PSD3: variants seen among roughly 807,000 people sequenced by gnomAD.
PSD3 encodes the protein PH and SEC7 domain-containing protein 3.
Under a neutral mutation model 105.5 loss-of-function variants are expected in PSD3, and 49 were observed. The ratio of observed to expected loss-of-function variants is 0.46; its 90% CI spans 0.37 to 0.59. The LOEUF (loss-of-function observed/expected upper bound fraction) is 0.59. Ranked by LOEUF, PSD3 falls within the 20% of genes least tolerant of loss-of-function variation. PSD3 has a pLI of 0.00. For synonymous variants in PSD3, 557 were observed against 457.8 expected, an observed-to-expected ratio of 1.22 and a Z score of -2.77; for missense variants, 1,561 against 1,263.8, an observed-to-expected ratio of 1.24 and a Z score of -3.57.
At chr8:18,934,194 G>T (rs1471887923) in intron 2 of PSD3, among the ~76,000 whole-genome samples, 1 of 152,098 alleles carries the variant, frequency 6.6e-6, no homozygotes, top group Non-Finnish European at 1.5e-5. Flanking sequence ...TCATACCTGG[G>T]TTTCTTCAGC....
intron 9 of PSD3, among the ~76,000 whole-genome samples, chr8:18,728,903 T>G (rs1803525505): frequency 6.6e-6 from 1 of 152,192 alleles, no homozygotes; most frequent in Non-Finnish European, 1.5e-5. Flanking sequence ...ACGCCTCACA[T>G]GTCAGTTCTG....
chr8:18,797,394 A>G (rs1482967856), intron 8 of PSD3, among the ~76,000 whole-genome samples: 2 of 152,144 alleles, frequency 1.3e-5, no homozygotes, highest in Non-Finnish European at 2.9e-5. Context: ...TAATATTAAA[A>G]TGTTAATTTA....
intron 8 of PSD3, among the ~76,000 whole-genome samples, chr8:18,790,362 G>A (rs1032391247): frequency 8.7e-5 from 13 of 149,778 alleles, no homozygotes; most frequent in Admixed American, 6.7e-5. Flanking sequence ...GAGTGCAGTG[G>A]AGTGATCTCG....
chr8:18,956,709 G>A (rs1823593676), intron 1 of PSD3, among the ~76,000 whole-genome samples: 1 of 152,022 alleles, frequency 6.6e-6, no homozygotes, highest in South Asian at 2.1e-4. Flanking sequence ...ACAACCTTGA[G>A]GCTATTTTAG....
intron 4 of PSD3, among the ~76,000 whole-genome samples, chr8:18,824,998 C>A (rs373339008): frequency 6.6e-6 from 1 of 152,146 alleles, no homozygotes; most frequent in South Asian, 2.1e-4. Flanking sequence ...AAAAAATACA[C>A]ACATACAATG....
At chr8:18,964,634 C>T (rs376569433) in intron 1 of PSD3, among the ~76,000 whole-genome samples, 2 of 152,066 alleles carry the variant, frequency 1.3e-5, no homozygotes, top group African/African-American at 4.8e-5. Context: ...ATGGAGAGGC[C>T]TTCCTTGATC....
chr8:18,964,831 AT>A (rs1824141001), intron 1 of PSD3, among the ~76,000 whole-genome samples: 1 of 152,140 alleles, frequency 6.6e-6, no homozygotes, highest in Non-Finnish European at 1.5e-5. Context: ...GGTGGCATAG[AT>A]TTGTTCACAG....
At chr8:18,942,209 A>C (rs1342669135) in intron 1 of PSD3, among the ~76,000 whole-genome samples, 1 of 152,204 alleles carries the variant, frequency 6.6e-6, no homozygotes, top group Non-Finnish European at 1.5e-5. Context: ...AGAATCTGAA[A>C]GCCTCCAAGT....
At chr8:18,683,806 T>C in intron 9 of PSD3, 1 of 765,326 alleles carries the variant, frequency 1.3e-6, no homozygotes, top group Non-Finnish European at 2.4e-6. Context: ...TCTGAGGAGT[T>C]GGAAATTTTC....
intron 1 of PSD3, among the ~76,000 whole-genome samples, chr8:19,006,121 C>G (rs559194080): frequency 6.6e-6 from 1 of 151,318 alleles, no homozygotes; most frequent in South Asian, 2.1e-4. Context: ...TGGTGAAACC[C>G]GTCTCTATTA....
chr8:18,791,090 G>C (rs1809678515), intron 8 of PSD3, among the ~76,000 whole-genome samples: 2 of 152,072 alleles, frequency 1.3e-5, no homozygotes, highest in South Asian at 4.2e-4. Context: ...CTAACAAATG[G>C]AAAAACATTC....
At position 18,533,427 on chromosome 8, in the gene PSD3, GA is replaced by G. The variant is rs1201742375; in HGVS notation, c.*2315del. ...ATCCAATGATCTATTAGCCTATCCA[GA>G]AGTCCCTGGAGTTAATATTAGTGAC... On this transcript the variant is annotated 3_prime_UTR_variant, in exon 16 of 16. Transcript: ENST00000327040. The G allele has an allele frequency of 1.3e-5, 2 of 152,196 alleles. No individual in the cohort carries two copies. The highest frequency in any genetic ancestry group is 2.4e-5 in the African/African-American group (1 of 41,464). The allele number at this position is 152,196 out of a possible 1,614,324, so 9.4% of individuals were successfully genotyped here.
At chr8:18,636,626 C>T (rs1807273117) in intron 10 of PSD3, among the ~76,000 whole-genome samples, 1 of 152,178 alleles carries the variant, frequency 6.6e-6, no homozygotes, top group African/African-American at 2.4e-5. Flanking sequence ...AAACTCCATT[C>T]ATGGTAAAGT....
chr8:18,862,854 T>C (rs1330345284), intron 4 of PSD3, among the ~76,000 whole-genome samples: 1 of 150,698 alleles, frequency 6.6e-6, no homozygotes, highest in Admixed American at 6.6e-5. Flanking sequence ...AAACACTGCA[T>C]TCCATTTGAG....
intron 9 of PSD3, among the ~76,000 whole-genome samples, chr8:18,702,921 T>C (rs1801675353): frequency 6.6e-6 from 1 of 152,098 alleles, no homozygotes; most frequent in African/African-American, 2.4e-5. Flanking sequence ...CAGCTATAGG[T>C]ACTCTTTATA....
intron 10 of PSD3, among the ~76,000 whole-genome samples, chr8:18,651,016 G>A (rs1274292386): frequency 6.6e-6 from 1 of 152,070 alleles, no homozygotes; most frequent in South Asian, 2.1e-4. Context: ...CATATATAAA[G>A]TAACAACAAT....
At chr8:18,589,929 T>C (rs1282076111) in intron 12 of PSD3, among the ~76,000 whole-genome samples, 2 of 152,174 alleles carry the variant, frequency 1.3e-5, no homozygotes, top group South Asian at 4.1e-4. Context: ...TACTTAAACA[T>C]CTGTATTCCC....
chr8:18,962,020 C>A (rs552037298), intron 1 of PSD3, among the ~76,000 whole-genome samples: 3 of 152,128 alleles, frequency 2.0e-5, no homozygotes, highest in African/African-American at 7.2e-5. Context: ...CCGAGGCATG[C>A]GGATCACTTG....
At chr8:18,654,726 T>C (rs59663279) in intron 10 of PSD3, among the ~76,000 whole-genome samples, 1,870 of 152,242 alleles carry the variant, frequency 0.012, 33 homozygotes, top group African/African-American at 0.043. Flanking sequence ...ATAACACACA[T>C]TGGCATTGGA....
Sources: gnomAD v4.1 joint callset for allele counts (sites outside exome capture counted in the v4.1 genomes callset) on GRCh38, gnomAD v4.1.1 for gene constraint, MANE v1.5 for transcripts, NCBI Gene and HGNC (gene_info 2026-07-23, HGNC 2026-07-21) for gene names.